The following LMF1 variants were observed in gnomAD, a reference collection of about 807,000 sequenced individuals.
LMF1 encodes the protein lipase maturation factor 1.
In LMF1, 68 loss-of-function variants were observed where a neutral mutation model predicts 60.6. That is an observed-to-expected ratio of 1.12 (90% confidence interval 0.92 to 1.37). The LOEUF is 1.37. Among genes scored for constraint, LMF1 ranks in the 40% most tolerant of loss-of-function variants. The probability of loss-of-function intolerance (pLI) is 0.00; values close to 1 mark genes in which losing one functional copy is unlikely to be tolerated. For missense variants in LMF1, 948 were observed against 767.2 expected, an observed-to-expected ratio of 1.24 and a Z score of -2.78; for synonymous variants, 418 against 324.7, an observed-to-expected ratio of 1.29 and a Z score of -3.09.
chr16:910,059 C>G (rs944451328), intron 4 of LMF1, among the ~76,000 whole-genome samples: 1 of 152,232 alleles, frequency 6.6e-6, no homozygotes, highest in Non-Finnish European at 1.5e-5. Flanking sequence ...TTTTATCATT[C>G]CAGCCCAAAA....
At chr16:857,322 G>T (rs546621283) in intron 10 of LMF1, among the ~76,000 whole-genome samples, 17 of 152,248 alleles carry the variant, frequency 1.1e-4, no homozygotes, top group Non-Finnish European at 2.4e-4. Context: ...TCCTTTTTGA[G>T]GAGCCATTTT....
At chr16:863,239 C>A (rs1045259027) in intron 10 of LMF1, among the ~76,000 whole-genome samples, 1 of 152,166 alleles carries the variant, frequency 6.6e-6, no homozygotes, top group Non-Finnish European at 1.5e-5. Context: ...AGTCTCGGCT[C>A]GAGCAATTCT....
In LMF1 at chr16:854,469, G is replaced by T; in HGVS notation, c.*63C>A. 1 of 1,499,930 alleles carries T rather than the reference G, an allele frequency of 6.7e-7. No homozygotes were observed. Among genetic ancestry groups the T allele is most frequent in the Non-Finnish European group, 9.0e-7 (1 of 1,107,762 alleles). The allele number at this position is 1,499,930 out of a possible 1,614,324, so 92.9% of individuals were successfully genotyped here. A position where few individuals can be genotyped will look rare whatever the true frequency, so the allele number is the denominator to read the frequency against. Reference sequence around the variant, plus strand: ...GATGCCCAGCTTGGGCTGGGCGCAGGGAAGGGCAAACGTTGCTGAGCCGCC... The same window carrying T: ...GATGCCCAGCTTGGGCTGGGCGCAGTGAAGGGCAAACGTTGCTGAGCCGCC... On this transcript the variant is annotated 3_prime_UTR_variant, in exon 11 of 11. Coordinates refer to ENST00000262301, the MANE Select transcript of LMF1 (RefSeq NM_022773.4).
At chr16:930,344 G>T (rs1223104985) in intron 3 of LMF1, among the ~76,000 whole-genome samples, 1 of 152,242 alleles carries the variant, frequency 6.6e-6, no homozygotes, top group Non-Finnish European at 1.5e-5. Context: ...ACAGTAGAGA[G>T]ATGTGAACGG....
rs2151737037 is a variant in LMF1, at chr16:897,405, G to A, written c.664-4333C>T. 6.6e-6 allele frequency among the ~76,000 whole-genome samples: 1 copy of A among 152,302 alleles called. No individual in the cohort carries two copies. Among genetic ancestry groups the A allele is most frequent in the African/African-American group, 2.4e-5 (1 of 41,572 alleles). ...ACCGGCTAACGTGGTGTTTGAGGAG[G>A]GGGCGCCGCCAGGCCTCCCTCCGAG... On this transcript the variant is annotated intron_variant, in intron 4 of 10. Coordinates refer to ENST00000262301, the MANE Select transcript of LMF1 (RefSeq NM_022773.4). This position sits in a 1 kb window ranked among gnomAD's most constrained non-coding sequence, Gnocchi z 4.3.
chr16:944,945 G>A (rs780490901), intron 2 of LMF1, among the ~76,000 whole-genome samples: 12 of 152,116 alleles, frequency 7.9e-5, no homozygotes, highest in Non-Finnish European at 1.5e-4. Flanking sequence ...TGGGCACCGT[G>A]GCTCATGCCT....
At chr16:955,986 G>A (rs1321274970) in intron 1 of LMF1, among the ~76,000 whole-genome samples, 2 of 149,744 alleles carry the variant, frequency 1.3e-5, no homozygotes, top group Admixed American at 6.7e-5. Context: ...CCGAGTTCAC[G>A]TCTCACGGCG....
chr16:870,597 G>T, intron 8 of LMF1, 132 bp downstream of exon 8: 2 of 1,061,388 alleles, frequency 1.9e-6, no homozygotes, highest in Non-Finnish European at 2.8e-6. Context: ...CTGTGCCTGG[G>T]TCAGGCTGGG....
At chr16:892,903 G>T in intron 5 of LMF1, 104 bp downstream of exon 5, 1 of 856,634 alleles carries the variant, frequency 1.2e-6, no homozygotes, top group Non-Finnish European at 1.8e-6. Flanking sequence ...GTGACCCTGT[G>T]ATGCGACAGC....
intron 4 of LMF1, among the ~76,000 whole-genome samples, chr16:896,350 A>C (rs888325780): frequency 1.3e-5 from 2 of 152,210 alleles, no homozygotes; most frequent in Non-Finnish European, 2.9e-5. Context: ...CGCCGTCTCT[A>C]GGGTCTTGCT....
At chr16:944,102 T>A (rs1231886977) in intron 2 of LMF1, among the ~76,000 whole-genome samples, 3 of 152,144 alleles carry the variant, frequency 2.0e-5, no homozygotes, top group Non-Finnish European at 2.9e-5. Flanking sequence ...ACCCTCCTCC[T>A]AAGATGTGGC....
At chr16:951,424 T>C (rs2072465074) in intron 2 of LMF1, among the ~76,000 whole-genome samples, 1 of 152,236 alleles carries the variant, frequency 6.6e-6, no homozygotes, top group African/African-American at 2.4e-5. Flanking sequence ...TAGCAGATGC[T>C]GTGCTCAGGG....
At chr16:948,754 GAGCCAACGACAGAGTC>G (rs1567296862) in intron 2 of LMF1, among the ~76,000 whole-genome samples, 5 of 133,896 alleles carry the variant, frequency 3.7e-5, no homozygotes, top group Admixed American at 7.6e-5. Context: ...GACAGAGTCA[GAGCCAACGACAGAGTC>G]AGCCAACGAC....
At chr16:964,017 C>A in intron 1 of LMF1, 1 of 455,994 alleles carries the variant, frequency 2.2e-6, no homozygotes, top group Non-Finnish European at 4.4e-6. Context: ...ATGGCGGCCA[C>A]CCGCCTCTCA....
At chr16:975,692 G>A (rs537179399), upstream of LMF1, 805 of 419,422 alleles carry the variant, frequency 1.9e-3, 15 homozygotes, top group South Asian at 0.014. Context: ...CCTCGTACCC[G>A]CCTGAGGGCA....
chr16:894,731 C>T (rs1157663160), intron 4 of LMF1, among the ~76,000 whole-genome samples: 4 of 152,208 alleles, frequency 2.6e-5, no homozygotes, highest in South Asian at 2.1e-4. Context: ...GTTGCCCACA[C>T]GGTGGGAAGA....
intron 5 of LMF1, among the ~76,000 whole-genome samples, chr16:880,945 C>T (rs1390145586): frequency 2.0e-5 from 3 of 152,188 alleles, no homozygotes; most frequent in Non-Finnish European, 4.4e-5. Context: ...TAGCACAGCC[C>T]GCGGGAGCCA....
chr16:944,775 T>C (rs4984732), intron 2 of LMF1, among the ~76,000 whole-genome samples: 72,407 of 152,022 alleles, frequency 0.48, 18,892 homozygotes, highest in African/African-American at 0.69. Context: ...TCCTTGCTGC[T>C]TGCTGAAGTC....
intron 10 of LMF1, among the ~76,000 whole-genome samples, chr16:862,048 C>T (rs963884237): frequency 3.9e-5 from 6 of 152,170 alleles, no homozygotes; most frequent in Non-Finnish European, 4.4e-5. Flanking sequence ...GAGTTATCTT[C>T]GGTAGCTGGT....
Sources: gnomAD v4.1 joint callset for allele counts (sites outside exome capture counted in the v4.1 genomes callset) on GRCh38, gnomAD v4.1.1 for gene constraint, Gnocchi (gnomAD v3.1) non-coding constraint, MANE v1.5 for transcripts, NCBI Gene and HGNC (gene_info 2026-07-23, HGNC 2026-07-21) for gene names.